USP34: variants seen among roughly 807,000 people sequenced by gnomAD.
USP34 encodes the protein ubiquitin carboxyl-terminal hydrolase 34.
A neutral mutation model predicts 460.3 loss-of-function variants in USP34; 70 were observed. That is an observed-to-expected ratio of 0.15 (90% CI 0.13 to 0.19). The LOEUF is 0.19. Ranked by LOEUF, USP34 falls within the 10% of genes least tolerant of loss-of-function variation. The pLI, the probability that USP34 is intolerant of heterozygous loss-of-function variation, is 1.00. For missense variants in USP34, 3,985 were observed against 4,236.2 expected (o/e 0.94, Z 1.65); for synonymous variants, 1,647 against 1,405.3 (o/e 1.17, Z -3.85).
At chr2:61,382,302 GC>G (rs1420056478) in intron 6 of USP34, among the ~76,000 whole-genome samples, 1 of 152,094 alleles carries the variant, frequency 6.6e-6, no homozygotes, top group African/African-American at 2.4e-5. Context: ...TGAATAATCT[GC>G]CCCTGCTTAT....
chr2:61,425,009 A>G (rs889525406), intron 1 of USP34, among the ~76,000 whole-genome samples: 10 of 152,190 alleles, frequency 6.6e-5, no homozygotes, highest in African/African-American at 2.4e-4. Context: ...TAGTAGAGAC[A>G]GGGTTTCACC....
In USP34 at chr2:61,229,536, A is replaced by T; in HGVS notation, c.7199+12T>A. ...CACAGACACACAAACTTATTCAAAA[A>T]GTACTTCTTACCCATCTTCCATTCC... On this transcript the variant is annotated intron_variant, in intron 59 of 79. Transcript: ENST00000398571. The T allele has an allele frequency of 6.2e-7, 1 of 1,600,180 alleles. No homozygotes were observed. Among genetic ancestry groups the T allele is most frequent in the South Asian group, 1.1e-5 (1 of 89,586 alleles).
At chr2:61,285,068 A>C (rs1328124193) in intron 34 of USP34, 111 bp from the exon 35 acceptor site, 9 of 710,604 alleles carry the variant, frequency 1.3e-5, no homozygotes, top group Middle Eastern at 8.3e-4. Flanking sequence ...ATTTTAACCC[A>C]AAATTCCAAA....
chr2:61,385,771 A>G (rs1369568720), intron 5 of USP34, among the ~76,000 whole-genome samples: 1 of 151,364 alleles, frequency 6.6e-6, no homozygotes, highest in Non-Finnish European at 1.5e-5. Flanking sequence ...AGGTGGGCAG[A>G]TCACCTGAGG....
intron 51 of USP34, among the ~76,000 whole-genome samples, chr2:61,242,272 A>C (rs960115561): frequency 2.6e-5 from 4 of 152,194 alleles, no homozygotes; most frequent in Non-Finnish European, 5.9e-5. Context: ...TGACATGTCA[A>C]AACATCTACC....
intron 72 of USP34, 134 bp downstream of exon 72, chr2:61,205,883 C>A (rs1393905478): frequency 6.6e-6 from 4 of 605,010 alleles, no homozygotes; most frequent in Non-Finnish European, 1.2e-5. Context: ...TTTCTTAGGA[C>A]CTGCTAGCTA....
intron 27 of USP34, among the ~76,000 whole-genome samples, chr2:61,307,871 A>G (rs953821487): frequency 1.3e-5 from 2 of 152,108 alleles, no homozygotes; most frequent in African/African-American, 4.8e-5. Context: ...CAACATGGCA[A>G]AACCCTGTCT....
intron 51 of USP34, among the ~76,000 whole-genome samples, chr2:61,243,957 C>A (rs1327293782): frequency 6.6e-6 from 1 of 151,400 alleles, no homozygotes; most frequent in African/African-American, 2.4e-5. Context: ...TATTTACTTC[C>A]CTATTCTACC....
chr2:61,401,612 G>A (rs191689886), intron 3 of USP34, among the ~76,000 whole-genome samples: 99 of 125,918 alleles, frequency 7.9e-4, no homozygotes, highest in African/African-American at 2.8e-3. Flanking sequence ...GCAGTGGCAC[G>A]ATCTCAGCTC....
intron 10 of USP34, among the ~76,000 whole-genome samples, chr2:61,366,225 G>C (rs539466246): frequency 3.3e-5 from 5 of 152,136 alleles, no homozygotes; most frequent in Non-Finnish European, 7.4e-5. Flanking sequence ...CGCCCAGACA[G>C]TGAATACCTT....
intron 20 of USP34, among the ~76,000 whole-genome samples, chr2:61,328,729 G>T (rs751106825): frequency 5.3e-5 from 8 of 152,176 alleles, no homozygotes; most frequent in Admixed American, 5.2e-4. Context: ...AACAAAGTGA[G>T]TAACTTCACT....
chr2:61,239,433 CA>C (rs1046521124), intron 53 of USP34, among the ~76,000 whole-genome samples: 3 of 151,830 alleles, frequency 2.0e-5, no homozygotes, highest in African/African-American at 7.3e-5. Flanking sequence ...TTTTACTTCA[CA>C]AGTGGGCTAA....
intron 20 of USP34, among the ~76,000 whole-genome samples, chr2:61,330,125 T>C (rs1265793223): frequency 1.3e-5 from 2 of 152,202 alleles, no homozygotes; most frequent in East Asian, 3.8e-4. Context: ...ACAAATTCTA[T>C]AACAGAAACA....
chr2:61,400,284 T>C (rs949574999), intron 3 of USP34, among the ~76,000 whole-genome samples: 1 of 152,088 alleles, frequency 6.6e-6, no homozygotes, highest in Non-Finnish European at 1.5e-5. Flanking sequence ...TAATTTTTTC[T>C]ATTTTTAGTA....
chr2:61,445,187 G>A (rs1370848434), intron 1 of USP34, among the ~76,000 whole-genome samples: 1 of 108,720 alleles, frequency 9.2e-6, no homozygotes, highest in Non-Finnish European at 1.8e-5. Context: ...ACAAAAAAAT[G>A]CTAAGAGAAA....
intron 2 of USP34, among the ~76,000 whole-genome samples, chr2:61,415,310 G>C (rs1694162420): frequency 6.6e-6 from 1 of 152,100 alleles, no homozygotes; most frequent in Non-Finnish European, 1.5e-5. Flanking sequence ...ATGAGCGTTT[G>C]AGAGAATTAA....
chr2:61,214,672 G>T lies in USP34; in HGVS notation c.8070C>A (p.Ser2690=). 1 of 1,613,942 alleles carries T rather than the reference G, an allele frequency of 6.2e-7. No homozygotes were observed. The highest frequency in any genetic ancestry group is 8.5e-7 in the Non-Finnish European group (1 of 1,179,944). Residue 2690 remains serine (S), a synonymous_variant, in exon 68 of 80, where the codon TCC becomes TCA. Coordinates refer to ENST00000398571, the MANE Select transcript of USP34 (RefSeq NM_014709.4). ...GACGGAATGAATTGCTTGGTATAAGGGACACCAGAAGATAAGCTGCAGCTA... is the reference window on the plus strand; with the variant it reads ...GACGGAATGAATTGCTTGGTATAAGTGACACCAGAAGATAAGCTGCAGCTA... The part of the protein sequence containing the change: ...VRTSAAYLLV[S]LIPSNSFRQM...
intron 5 of USP34, among the ~76,000 whole-genome samples, chr2:61,390,541 T>A (rs958529627): frequency 6.6e-6 from 1 of 152,240 alleles, no homozygotes; most frequent in Non-Finnish European, 1.5e-5. Context: ...AAAGAACGGA[T>A]CCATATAATA....
rs765130173 is a variant in USP34, at chr2:61,283,472, C to A, written c.4833-23G>T. On this transcript the variant is annotated intron_variant, in intron 35 of 79. Coordinates refer to ENST00000398571, the MANE Select transcript of USP34 (RefSeq NM_014709.4). ...ACTCTGTAAAGTAAAAACACCACCA[C>A]CACCAATTAAATTCAGCAATGAATT... 1.6e-5 allele frequency: 26 copies of A among 1,600,752 alleles called. No individual in the cohort carries two copies. The African/African-American group carries it at 3.1e-4, about 19-fold the overall frequency.
Sources: gnomAD v4.1 joint callset for allele counts (sites outside exome capture counted in the v4.1 genomes callset) on GRCh38, gnomAD v4.1.1 for gene constraint, MANE v1.5 for transcripts, NCBI Gene and HGNC (gene_info 2026-07-23, HGNC 2026-07-21) for gene names.